The following ABHD12 variants were observed in gnomAD, a reference collection of about 807,000 sequenced individuals.
The protein encoded by ABHD12 is lysophosphatidylserine lipase ABHD12.
In ABHD12, 43 loss-of-function variants were observed where a neutral mutation model predicts 58.3. That is an observed-to-expected ratio of 0.74 (90% CI 0.58 to 0.95). The LOEUF is 0.95. ABHD12 is among the 40% of genes least tolerant of loss of function. The pLI is 0.00. For missense variants in ABHD12, 539 were observed against 537.2 expected, an observed-to-expected ratio of 1.00 and a Z score of -0.03; for synonymous variants, 219 against 211.2, an observed-to-expected ratio of 1.04 and a Z score of -0.32.
At position 25,300,620 on chromosome 20, in the gene ABHD12, C is replaced by A; in HGVS notation, c.*225G>T. On this transcript the variant is annotated 3_prime_UTR_variant, in exon 13 of 13. Transcript: ENST00000339157. ...TCAGGTTGAGGGGCGGCAAGGAGAG[C>A]CACATGCCTGCCACCCACGCTTTCC... 6.9e-7 allele frequency: 1 copy of A among 1,449,072 alleles called. No individual in the cohort carries two copies. Among genetic ancestry groups the A allele is most frequent in the Non-Finnish European group, 9.0e-7 (1 of 1,106,900 alleles). The allele number at this position is 1,449,072 out of a possible 1,614,324, so 89.8% of individuals were successfully genotyped here.
At chr20:25,343,533 G>C (rs1432445500) in intron 1 of ABHD12, among the ~76,000 whole-genome samples, 1 of 152,196 alleles carries the variant, frequency 6.6e-6, no homozygotes, top group Non-Finnish European at 1.5e-5. Context: ...GGCCAGGCGT[G>C]GTGGCTCACG....
chr20:25,313,592 A>ATAAAATAAAATAAAT (rs2088905427), intron 6 of ABHD12, among the ~76,000 whole-genome samples: 1 of 147,526 alleles, frequency 6.8e-6, no homozygotes, highest in Non-Finnish European at 1.5e-5. Context: ...ATAAAATAAA[A>ATAAAATAAAATAAAT]TAAAATAAAA....
intron 1 of ABHD12, among the ~76,000 whole-genome samples, chr20:25,365,922 C>T (rs2089814176): frequency 1.3e-5 from 2 of 152,110 alleles, no homozygotes; most frequent in African/African-American, 4.8e-5. Flanking sequence ...TGCCTATACT[C>T]CCAGCTACTC....
exon 13 of ABHD12, chr20:25,294,975 A>G: frequency 6.2e-7 from 1 of 1,614,166 alleles, no homozygotes; most frequent in Non-Finnish European, 8.5e-7. Context: ...GGCTTCAGTC[A>G]CACCAGCTCT....
At chr20:25,295,887 AG>A (rs2088535059), downstream of ABHD12, among the ~76,000 whole-genome samples, 1 of 152,198 alleles carries the variant, frequency 6.6e-6, no homozygotes, top group Admixed American at 6.5e-5. Flanking sequence ...CTAATGGCCA[AG>A]AAAGGAATGT....
chr20:25,322,463 T>C (rs902155039), intron 3 of ABHD12, among the ~76,000 whole-genome samples: 9 of 146,468 alleles, frequency 6.1e-5, no homozygotes, highest in African/African-American at 1.0e-4. Context: ...CACTGCAGCC[T>C]CTGCCTCCTG....
At chr20:25,326,776 T>G (rs1304840887) in intron 2 of ABHD12, among the ~76,000 whole-genome samples, 1 of 152,214 alleles carries the variant, frequency 6.6e-6, no homozygotes, top group Non-Finnish European at 1.5e-5. Context: ...GTATACCTGT[T>G]GTTAGCTGTT....
downstream of ABHD12, chr20:25,298,040 T>TA (rs1025568915): frequency 3.3e-5 from 5 of 152,290 alleles, no homozygotes; most frequent in African/African-American, 1.2e-4. Context: ...ACTAACTAAC[T>TA]AACTAACTGC....
intron 6 of ABHD12, among the ~76,000 whole-genome samples, chr20:25,313,141 A>G (rs2088893823): frequency 6.6e-6 from 1 of 152,340 alleles, no homozygotes; most frequent in African/African-American, 2.4e-5. Flanking sequence ...GTCGAATAGA[A>G]AAGGGGGAAA....
intron 1 of ABHD12, chr20:25,368,895 G>GGAA: frequency 2.4e-6 from 1 of 409,084 alleles, no homozygotes; most frequent in Non-Finnish European, 4.7e-6. Flanking sequence ...GGGAGGCTGC[G>GGAA]GCAGGATTGC....
At chr20:25,351,010 C>CAA (rs1392222627) in intron 1 of ABHD12, among the ~76,000 whole-genome samples, 1 of 137,856 alleles carries the variant, frequency 7.3e-6, no homozygotes, top group East Asian at 2.1e-4. Context: ...CACACACACA[C>CAA]CCTTATTAAG....
chr20:25,312,795 C>G (rs1433293917), intron 6 of ABHD12, among the ~76,000 whole-genome samples: 1 of 151,470 alleles, frequency 6.6e-6, no homozygotes, highest in African/African-American at 2.4e-5. Context: ...CCCGCCGCCC[C>G]GTCTGGGATG....
chr20:25,334,261 C>A (rs1228846552), intron 2 of ABHD12, among the ~76,000 whole-genome samples: 1 of 151,096 alleles, frequency 6.6e-6, no homozygotes, highest in Non-Finnish European at 1.5e-5. Context: ...TGTGAAGGAC[C>A]TCTTCAAGGA....
intron 1 of ABHD12, among the ~76,000 whole-genome samples, chr20:25,355,483 G>GC (rs5841055): frequency 0.84 from 128,129 of 152,024 alleles, 54,301 homozygotes; most frequent in African/African-American, 0.92. Context: ...TTTTCTTTGG[G>GC]AAATTTAAAG....
intron 2 of ABHD12, among the ~76,000 whole-genome samples, chr20:25,333,936 C>A (rs1005049914): frequency 6.6e-6 from 1 of 152,138 alleles, no homozygotes; most frequent in Non-Finnish European, 1.5e-5. Context: ...ATATTCAACA[C>A]AGTGTTGGAA....
chr20:25,371,958 T>C (rs1052917703), intron 1 of ABHD12, among the ~76,000 whole-genome samples: 10 of 152,244 alleles, frequency 6.6e-5, no homozygotes, highest in Admixed American at 2.6e-4. Context: ...TTTCGGGGCA[T>C]ACGTGTGTCT....
intron 1 of ABHD12, 36 bp downstream of exon 1, chr20:25,390,477 G>GGGGGGGCCCC: frequency 5.1e-5 from 5 of 98,516 alleles, no homozygotes; most frequent in Non-Finnish European, 6.7e-5. Context: ...TGAGGGACCG[G>GGGGGGGCCCC]CCCCCCCCCC....
chr20:25,308,400 G>A, intron 8 of ABHD12, 57 bp downstream of exon 8: 1 of 1,592,172 alleles, frequency 6.3e-7, no homozygotes, highest in Non-Finnish European at 8.6e-7. Context: ...GCAGGGCCGG[G>A]ACTGGGGAGC....
chr20:25,312,930 G>A (rs1407729813), intron 6 of ABHD12, among the ~76,000 whole-genome samples: 1 of 151,434 alleles, frequency 6.6e-6, no homozygotes, highest in East Asian at 2.0e-4. Context: ...GGGAAGTGAG[G>A]AGCGTCTCCA....
Sources: allele counts gnomAD v4.1 joint callset (sites outside exome capture counted in the v4.1 genomes callset), GRCh38; gene constraint gnomAD v4.1.1; transcripts MANE v1.5; gene names NCBI Gene and HGNC (gene_info 2026-07-23, HGNC 2026-07-21).